The following C12orf56 variants were observed in gnomAD, a reference collection of about 807,000 sequenced individuals.
C12orf56 encodes the protein chromosome 12 open reading frame 56.
A neutral mutation model predicts 69.9 loss-of-function variants in C12orf56; 71 were observed. That is an observed-to-expected ratio of 1.02 (90% CI 0.84 to 1.24). The LOEUF (loss-of-function observed/expected upper bound fraction) is 1.24. Among genes scored for constraint, C12orf56 ranks in the 50% most tolerant of loss-of-function variants. C12orf56 has a pLI of 0.00. For synonymous variants in C12orf56, 276 were observed against 274.1 expected (o/e 1.01, Z -0.07); for missense variants, 732 against 738.5 (o/e 0.99, Z 0.10).
At chr12:64,278,087 A>G (rs1412257398) in intron 8 of C12orf56, among the ~76,000 whole-genome samples, 1 of 152,216 alleles carries the variant, frequency 6.6e-6, no homozygotes, top group African/African-American at 2.4e-5. Flanking sequence ...AGATTTGGGT[A>G]ATTTCAATTA....
At chr12:64,323,428 G>C (rs2038797322) in intron 3 of C12orf56, among the ~76,000 whole-genome samples, 1 of 152,150 alleles carries the variant, frequency 6.6e-6, no homozygotes, top group African/African-American at 2.4e-5. Context: ...AAATATATCT[G>C]TTGAATGAAT....
At chr12:64,281,742 T>C (rs1210837990) in intron 8 of C12orf56, among the ~76,000 whole-genome samples, 1 of 152,050 alleles carries the variant, frequency 6.6e-6, no homozygotes. Context: ...TTGAAGGACA[T>C]GAAAAGAATT....
At chr12:64,283,649 T>C (rs2038161027) in intron 8 of C12orf56, among the ~76,000 whole-genome samples, 3 of 151,018 alleles carry the variant, frequency 2.0e-5, no homozygotes, top group Non-Finnish European at 2.9e-5. Flanking sequence ...TCTCTCTCTT[T>C]TTTTTTTTTT....
Position 64,267,291 on chromosome 12 carries a change from G to T in C12orf56, c.1764-3C>A. 1.9e-6 allele frequency: 3 copies of T among 1,598,390 alleles called. No individual in the cohort carries two copies. Among genetic ancestry groups the T allele is most frequent in the Non-Finnish European group, 2.6e-6 (3 of 1,171,046 alleles). On this transcript the variant is annotated splice_region_variant and splice_polypyrimidine_tract_variant and intron_variant, in intron 12 of 12. Coordinates refer to ENST00000543942, the MANE Select transcript of C12orf56 (RefSeq NM_001170633.2). ...AGGCTGGCATGTGAATAAAGTACCT[G>T]CAAATCATAAAAAGAAACAAAATAG...
At chr12:64,383,892 C>A (rs2135988103) in intron 1 of C12orf56, among the ~76,000 whole-genome samples, 1 of 152,304 alleles carries the variant, frequency 6.6e-6, no homozygotes, top group Non-Finnish European at 1.5e-5. Context: ...AAAAATGAAT[C>A]CAGCTAAGTA....
chr12:64,349,413 G>A (rs1185590653), intron 2 of C12orf56, among the ~76,000 whole-genome samples: 1 of 152,156 alleles, frequency 6.6e-6, no homozygotes, highest in African/African-American at 2.4e-5. Flanking sequence ...CACTGCTGGT[G>A]GGAATGTAAA....
rs2039232823 is a variant in C12orf56, at chr12:64,352,108, T to TG, written c.415+785_415+786insC. 4.4e-5 allele frequency among the ~76,000 whole-genome samples: 5 copies of TG among 114,092 alleles called. No individual in the cohort carries two copies. The South Asian group carries it at 9.3e-4, about 21-fold the overall frequency. 74.8% of individuals were successfully genotyped at this position (114,092 alleles called of 152,430 possible). ...TTTTGTTTTTGTTTTTGTTTTTTTT[T>TG]TTTTTTTGTTTTTTTTTTTACCAGT... is the stretch of plus-strand genomic sequence containing the variant. On this transcript the variant is annotated intron_variant, in intron 2 of 12. Coordinates refer to ENST00000543942, the MANE Select transcript of C12orf56 (RefSeq NM_001170633.2).
chr12:64,273,104 G>C (rs2038010034), intron 11 of C12orf56, among the ~76,000 whole-genome samples: 1 of 152,138 alleles, frequency 6.6e-6, no homozygotes, highest in African/African-American at 2.4e-5. Flanking sequence ...GACCAGCCTG[G>C]GCAACATGGC....
intron 1 of C12orf56, among the ~76,000 whole-genome samples, chr12:64,377,309 C>G (rs909307542): frequency 1.3e-5 from 2 of 151,592 alleles, no homozygotes; most frequent in African/African-American, 4.9e-5. Context: ...TCAGCCTCAG[C>G]CTCCTGAGGA....
chr12:64,267,274 A>T lies in C12orf56; in HGVS notation c.1778T>A (p.Met593Lys). 6.2e-7 allele frequency: 1 copy of T among 1,609,726 alleles called. No homozygotes were observed. The highest frequency in any genetic ancestry group is 8.5e-7 in the Non-Finnish European group (1 of 1,178,092). Residue 593 changes from methionine to lysine, a missense_variant, in exon 13 of 13, where the codon ATG (methionine) becomes AAG (lysine). Physicochemically the swap from Met to Lys is moderately conservative, Grantham distance 95. Coordinates refer to ENST00000543942, the MANE Select transcript of C12orf56 (RefSeq NM_001170633.2). The part of the protein sequence containing the change: ...YREEFRYFIH[M>K]PALQKRLPLC... The stretch of plus-strand genomic sequence containing the variant: ...TGGGAGCCTTTTCTGCAAGGCTGGC[A>T]TGTGAATAAAGTACCTGCAAATCAT...
intron 2 of C12orf56, among the ~76,000 whole-genome samples, chr12:64,335,416 C>A (rs1247979250): frequency 1.3e-4 from 4 of 30,398 alleles, no homozygotes; most frequent in African/African-American, 3.7e-4. Context: ...GACTTCATCT[C>A]CAAAAAAAAA....
chr12:64,346,090 GT>G (rs1275391625), intron 2 of C12orf56, among the ~76,000 whole-genome samples: 1 of 152,058 alleles, frequency 6.6e-6, no homozygotes, highest in Non-Finnish European at 1.5e-5. Context: ...ATTAGTCAGG[GT>G]TCTCTAGAGG....
intron 1 of C12orf56, chr12:64,389,473 T>C (rs1358707739): frequency 2.0e-5 from 3 of 152,222 alleles, no homozygotes; most frequent in African/African-American, 7.2e-5. Flanking sequence ...ATCTGCTTAT[T>C]CATGCATTTA....
chr12:64,276,216 G>A (rs753722580), intron 9 of C12orf56, among the ~76,000 whole-genome samples: 21 of 152,076 alleles, frequency 1.4e-4, no homozygotes, highest in Non-Finnish European at 2.2e-4. Context: ...TGTTGGGGAC[G>A]CAAGGGAGAA....
At position 64,376,421 on chromosome 12, in the gene C12orf56, T is replaced by A. The variant is rs369486684; in HGVS notation, c.252+13893A>T. On this transcript the variant is annotated intron_variant, in intron 1 of 12. Transcript: ENST00000543942. ...TTGTAATGGTTACTATCTTAATGAA[T>A]AAAGATGTGTTTGAGCCTAGTTATA... is the stretch of plus-strand genomic sequence containing the variant. Among the ~76,000 whole-genome samples, 28 of 152,346 alleles carry A rather than the reference T, an allele frequency of 1.8e-4. 1 individual carries two copies. In the East Asian group the frequency reaches 4.6e-3, roughly 25 times the overall value.
intron 6 of C12orf56, among the ~76,000 whole-genome samples, chr12:64,296,870 CTTT>C (rs71092950): frequency 2.8e-4 from 37 of 131,072 alleles, no homozygotes; most frequent in Admixed American, 3.1e-4. Context: ...CCCTTCCACC[CTTT>C]TTTTTTTTTT....
rs1376099129 is a variant in C12orf56 at position 64,390,463 on chromosome 12, C to T, written c.103G>A (p.Ala35Thr). Residue 35 changes from alanine (A) to threonine (T), a missense_variant, in exon 1 of 13, where the codon GCC becomes ACC. Coordinates refer to ENST00000543942, the MANE Select transcript of C12orf56 (RefSeq NM_001170633.2). ...LPPEVYDAVR[A>T]YEPCIVVSNS... The stretch of plus-strand genomic sequence containing the variant: ...GACACCACGATGCATGGCTCGTAGG[C>T]GCGGACCGCGTCGTAGACCTCGGGC... 1 of 1,608,168 alleles carries T rather than the reference C, an allele frequency of 6.2e-7. No individual in the cohort carries two copies. The highest frequency in any genetic ancestry group is 1.7e-5 in the Admixed American group (1 of 60,014).
intron 2 of C12orf56, among the ~76,000 whole-genome samples, chr12:64,351,907 C>G (rs2039227516): frequency 6.6e-6 from 1 of 150,516 alleles, no homozygotes; most frequent in Non-Finnish European, 1.5e-5. Flanking sequence ...CTTTCCTTCT[C>G]TGTCCTCGCT....
intron 3 of C12orf56, among the ~76,000 whole-genome samples, chr12:64,329,532 T>A (rs1650593566): frequency 6.7e-6 from 1 of 148,642 alleles, no homozygotes; most frequent in South Asian, 2.1e-4. Flanking sequence ...TTTATTTATT[T>A]TTTATTATTA....
Sources: gnomAD v4.1 joint callset for allele counts (sites outside exome capture counted in the v4.1 genomes callset) on GRCh38, gnomAD v4.1.1 for gene constraint, MANE v1.5 for transcripts, NCBI Gene and HGNC (gene_info 2026-07-23, HGNC 2026-07-21) for gene names.